XKR8: variants seen among roughly 807,000 people sequenced by gnomAD.
XKR8 encodes the protein XK-related protein 8.
Under a neutral mutation model 17.1 loss-of-function variants are expected in XKR8, and 10 were observed. The observed-to-expected ratio is 0.59, with a 90% CI of 0.36 to 0.99. XKR8 has a LOEUF of 0.99. XKR8 is among the 50% of genes least tolerant of loss of function. The pLI, the probability that XKR8 is intolerant of heterozygous loss-of-function variation, is 0.01. For synonymous variants in XKR8, 213 were observed against 251.9 expected (o/e 0.85, Z 1.46); for missense variants, 411 against 515.6 (o/e 0.80, Z 1.96).
intron 1 of XKR8, among the ~76,000 whole-genome samples, chr1:27,962,558 C>T (rs1166875883): frequency 4.0e-5 from 6 of 149,714 alleles, no homozygotes; most frequent in Admixed American, 1.3e-4. Context: ...GGGCGACAAG[C>T]GACAGATGTA....
rs566046697 is a variant in XKR8 at position 27,963,709 on chromosome 1, T to C, written c.490+16T>C. On this transcript the variant is annotated intron_variant, in intron 2 of 2. Coordinates refer to ENST00000373884, the MANE Select transcript of XKR8 (RefSeq NM_018053.4). ...TACTACCAGTGTGAGTGAAGGCCTG[T>C]GGCTGGCCCCCCTGTCGTGGCTTGG... 2.6e-5 allele frequency: 40 copies of C among 1,524,720 alleles called. No homozygotes were observed. The African/African-American group carries it at 5.1e-4, about 19-fold the overall frequency. 94.4% of individuals were successfully genotyped at this position (1,524,720 alleles called of 1,614,324 possible).
intron 1 of XKR8, among the ~76,000 whole-genome samples, chr1:27,961,785 A>T (rs1242784946): frequency 6.6e-6 from 1 of 152,122 alleles, no homozygotes; most frequent in Non-Finnish European, 1.5e-5. Context: ...GTGTCCTTCC[A>T]GGGGAAGTGA....
intron 2 of XKR8, among the ~76,000 whole-genome samples, chr1:27,964,012 C>T (rs1179015978): frequency 1.3e-5 from 2 of 152,132 alleles, no homozygotes; most frequent in African/African-American, 4.8e-5. Flanking sequence ...TACAGAGTCT[C>T]ACTCTGTCAT....
intron 2 of XKR8, 75 bp downstream of exon 2, chr1:27,963,768 G>A: frequency 7.1e-7 from 1 of 1,401,774 alleles, no homozygotes; most frequent in Non-Finnish European, 9.5e-7. Flanking sequence ...ACTGTTTTTA[G>A]TCTTTTATAA....
chr1:27,963,608 C>G lies in XKR8; in HGVS notation c.405C>G (p.Leu135=), dbSNP rs1262353093. The change falls in exon 2 of 3, where the codon CTC becomes CTG. Residue 135 remains leucine (L), a synonymous_variant. Coordinates refer to ENST00000373884, the MANE Select transcript of XKR8 (RefSeq NM_018053.4). Reference sequence around the variant, plus strand: ...CCCTGGACATCAGCATGCTGCGGCTCTTCGAGACCTTCTTGGAGACGGCAC... The same window carrying G: ...CCCTGGACATCAGCATGCTGCGGCTGTTCGAGACCTTCTTGGAGACGGCAC... ...FLALDISMLR[L]FETFLETAPQ... The G allele has an allele frequency of 6.2e-7, 1 of 1,613,888 alleles. No individual in the cohort carries two copies. The highest frequency in any genetic ancestry group is 1.3e-5 in the African/African-American group (1 of 74,952).
chr1:27,961,798 G>A (rs984301411), intron 1 of XKR8, among the ~76,000 whole-genome samples: 1 of 152,216 alleles, frequency 6.6e-6, no homozygotes, highest in Non-Finnish European at 1.5e-5. Context: ...GGAAGTGACA[G>A]TACATGTCTG....
At position 27,967,878 on chromosome 1, in the gene XKR8, C is replaced by T. The variant is rs1283207341; in HGVS notation, c.*678C>T. 3 of 152,662 alleles carry T rather than the reference C, an allele frequency of 2.0e-5. No individual in the cohort carries two copies. Among genetic ancestry groups the T allele is most frequent in the Non-Finnish European group, 4.4e-5 (3 of 68,050 alleles). 9.5% of individuals were successfully genotyped at this position (152,662 alleles called of 1,614,324 possible). On this transcript the variant is annotated 3_prime_UTR_variant, in exon 3 of 3. Transcript: ENST00000373884. The surrounding 1 kb of genome is among the most constrained non-coding windows in gnomAD (Gnocchi z 4.3). ...CAGTGAAGCTGGCCTGGCCTCTGCT[C>T]CTGCTCTCAAGGGGCTGCTTTTCAA...
chr1:27,967,120 C>CAG lies in XKR8; in HGVS notation c.1110_1111dup (p.Asn371ArgfsTer5), dbSNP rs1423270530. The CAG allele has an allele frequency of 5.6e-6, 9 of 1,612,190 alleles. No homozygotes were observed. Among genetic ancestry groups the CAG allele is most frequent in the Non-Finnish European group, 7.6e-6 (9 of 1,178,816 alleles). The stretch of plus-strand genomic sequence containing the variant: ...TTCTCCAGAGGGGTATCAGCTGCCT[C>CAG]AGAACAGGCGCATGACCCATTTAGC... On this transcript the variant is annotated frameshift_variant, in exon 3 of 3. Coordinates refer to ENST00000373884, the MANE Select transcript of XKR8 (RefSeq NM_018053.4). LOFTEE classifies it low-confidence loss of function (END_TRUNC). The surrounding 1 kb of genome is among the most constrained non-coding windows in gnomAD (Gnocchi z 4.3).
rs1445521307 is a variant in XKR8 at position 27,966,420 on chromosome 1, AG to A, written c.491-80del. On this transcript the variant is annotated intron_variant, in intron 2 of 2. Coordinates refer to ENST00000373884, the MANE Select transcript of XKR8 (RefSeq NM_018053.4). This position sits in a 1 kb window ranked among gnomAD's most constrained non-coding sequence, Gnocchi z 4.3. ...TAATACCTACCCCAGGGTTGCTGGG[AG>A]GGCCCCCACGGTACCTGTGACCGCT... is the stretch of plus-strand genomic sequence containing the variant. 5.8e-6 allele frequency: 8 copies of A among 1,368,194 alleles called. No individual in the cohort carries two copies. In the Admixed American group the frequency reaches 1.8e-4, roughly 30 times the overall value. The allele number at this position is 1,368,194 out of a possible 1,614,324, so 84.8% of individuals were successfully genotyped here.
intron 1 of XKR8, among the ~76,000 whole-genome samples, chr1:27,962,665 C>T (rs567097168): frequency 4.0e-5 from 6 of 151,770 alleles, no homozygotes; most frequent in African/African-American, 7.3e-5. Flanking sequence ...AATCATGGCT[C>T]ACAGTGGCCT....
chr1:27,960,499 C>G lies in XKR8; in HGVS notation c.293+137C>G. ...CCAAGTCCTGTGGGCGCCTGGCCTACAGGTGAGCGTGCAGCCCTTTACGGA... is the reference window on the plus strand; with the variant it reads ...CCAAGTCCTGTGGGCGCCTGGCCTAGAGGTGAGCGTGCAGCCCTTTACGGA... On this transcript the variant is annotated intron_variant, in intron 1 of 2. Transcript: ENST00000373884. This position sits in a 1 kb window ranked among gnomAD's most constrained non-coding sequence, Gnocchi z 5.9. 4.6e-6 allele frequency: 4 copies of G among 875,904 alleles called. No homozygotes were observed. The highest frequency in any genetic ancestry group is 6.3e-6 in the Non-Finnish European group (4 of 637,778). 54.3% of individuals were successfully genotyped at this position (875,904 alleles called of 1,614,324 possible).
At chr1:27,963,109 C>T (rs550438453) in intron 1 of XKR8, among the ~76,000 whole-genome samples, 21 of 152,070 alleles carry the variant, frequency 1.4e-4, no homozygotes, top group African/African-American at 4.3e-4. Context: ...CTGTAACCTC[C>T]GCCTTGCAGA....
Position 27,967,659 on chromosome 1 carries a change from A to G in XKR8, c.*459A>G, listed in dbSNP as rs1638604516. Reference sequence around the variant, plus strand: ...TTCCCTCCCCCACACCATTCATTCAATTCATGAAACAAATCTTTGCCAAGA... The same window carrying G: ...TTCCCTCCCCCACACCATTCATTCAGTTCATGAAACAAATCTTTGCCAAGA... On this transcript the variant is annotated 3_prime_UTR_variant, in exon 3 of 3. Transcript: ENST00000373884. The surrounding 1 kb of genome is among the most constrained non-coding windows in gnomAD (Gnocchi z 4.3). The G allele has an allele frequency of 6.5e-6, 1 of 154,074 alleles. No homozygotes were observed. Among genetic ancestry groups the G allele is most frequent in the African/African-American group, 2.4e-5 (1 of 41,512 alleles). 9.5% of individuals were successfully genotyped at this position (154,074 alleles called of 1,614,324 possible). A position where few individuals can be genotyped will look rare whatever the true frequency, so the allele number is the denominator to read the frequency against.
Position 27,966,687 on chromosome 1 carries a change from C to A in XKR8, c.675C>A (p.Phe225Leu), listed in dbSNP as rs538053804. Residue 225 changes from phenylalanine (F) to leucine (L), a missense_variant, in exon 3 of 3, where the codon TTC becomes TTA. Transcript: ENST00000373884. This position sits in a 1 kb window ranked among gnomAD's most constrained non-coding sequence, Gnocchi z 4.3. ...VLAVALFSAL[F>L]PSYVALHFLG... is the part of the protein sequence containing the mutation. ...CTGTGGCCCTGTTCTCAGCCCTCTT[C>A]CCCAGCTATGTGGCCCTGCACTTCC... is the stretch of plus-strand genomic sequence containing the variant. 2.4e-4 allele frequency: 382 copies of A among 1,614,160 alleles called. 2 individuals carry two copies. The highest frequency in any genetic ancestry group is 3.0e-4 in the Non-Finnish European group (350 of 1,180,014).
chr1:27,966,822 T>A lies in XKR8; in HGVS notation c.810T>A (p.Tyr270Ter). Reference sequence around the variant, plus strand: ...GGGTGACGGTGGCCACCATCCTCTATTTCTCCTGGTTCAACGTGGCTGAGG... The same window carrying A: ...GGGTGACGGTGGCCACCATCCTCTAATTCTCCTGGTTCAACGTGGCTGAGG... ...LYRVTVATIL[Y>*]FSWFNVAEGR... The change falls in exon 3 of 3, where the codon TAT becomes TAA. Residue 270 changes from tyrosine (Y) to a stop codon, truncating the protein, a stop_gained. Coordinates refer to ENST00000373884, the MANE Select transcript of XKR8 (RefSeq NM_018053.4). LOFTEE classifies it low-confidence loss of function (END_TRUNC). The surrounding 1 kb of genome is among the most constrained non-coding windows in gnomAD (Gnocchi z 4.3). 6.2e-7 allele frequency: 1 copy of A among 1,613,950 alleles called. No homozygotes were observed. The highest frequency in any genetic ancestry group is 8.5e-7 in the Non-Finnish European group (1 of 1,179,952).
chr1:27,964,277 G>T (rs1638527639), intron 2 of XKR8: 1 of 149,944 alleles, frequency 6.7e-6, no homozygotes, highest in Non-Finnish European at 1.5e-5. Context: ...GGGATTACAG[G>T]TGTCGCCCAC....
At chr1:27,963,173 A>G (rs1236248691) in intron 1 of XKR8, among the ~76,000 whole-genome samples, 1 of 152,022 alleles carries the variant, frequency 6.6e-6, no homozygotes, top group African/African-American at 2.4e-5. Flanking sequence ...ACAGGCGCGC[A>G]CCACCACACC....
rs190900348 is a variant in XKR8 at position 27,966,843 on chromosome 1, T to C, written c.831T>C (p.Ala277=). Residue 277 remains alanine, a synonymous_variant, in exon 3 of 3, where the codon GCT becomes GCC. Transcript: ENST00000373884. The surrounding 1 kb of genome is among the most constrained non-coding windows in gnomAD (Gnocchi z 4.3). ...TCTATTTCTCCTGGTTCAACGTGGC[T>C]GAGGGCCGCACCCGAGGCCGGGCCA... ...TILYFSWFNV[A]EGRTRGRAII... 1.2e-6 allele frequency: 2 copies of C among 1,614,040 alleles called. No homozygotes were observed. The highest frequency in any genetic ancestry group is 1.7e-6 in the Non-Finnish European group (2 of 1,179,992).
chr1:27,959,990 C>T lies in XKR8; in HGVS notation c.-80C>T. 7.7e-7 allele frequency: 1 copy of T among 1,295,218 alleles called. No homozygotes were observed. The highest frequency in any genetic ancestry group is 3.1e-5 in the East Asian group (1 of 32,212). The allele number at this position is 1,295,218 out of a possible 1,614,324, so 80.2% of individuals were successfully genotyped here. ...GCCGCCCCGAGGGCTGCGCCCACCT[C>T]CTTCCTGCCTCGGCAACCCCGGGCC... On this transcript the variant is annotated 5_prime_UTR_variant, in exon 1 of 3. Coordinates refer to ENST00000373884, the MANE Select transcript of XKR8 (RefSeq NM_018053.4).
Sources: allele counts gnomAD v4.1 joint callset (sites outside exome capture counted in the v4.1 genomes callset), GRCh38; gene constraint gnomAD v4.1.1; non-coding constraint Gnocchi (gnomAD v3.1); transcripts MANE v1.5; gene names NCBI Gene and HGNC (gene_info 2026-07-23, HGNC 2026-07-21).